ANGPTL3: variants seen among roughly 807,000 people sequenced by gnomAD.
ANGPTL3 encodes the protein angiopoietin-related protein 3.
ANGPTL3 carries 51 observed loss-of-function variants against 52.7 expected under a neutral mutation model. The ratio of observed to expected loss-of-function variants is 0.97; its 90% CI spans 0.77 to 1.22. ANGPTL3 has a LOEUF of 1.22. Among genes scored for constraint, ANGPTL3 ranks in the 50% most tolerant of loss-of-function variants. The probability of loss-of-function intolerance (pLI) is 0.00; values close to 1 mark genes in which losing one functional copy is unlikely to be tolerated. For missense variants in ANGPTL3, 506 were observed against 520.7 expected, an observed-to-expected ratio of 0.97 and a Z score of 0.27; for synonymous variants, 185 against 179.8, an observed-to-expected ratio of 1.03 and a Z score of -0.23.
At chr1:62,601,245 C>T (rs1650076928) in intron 3 of ANGPTL3, 49 bp downstream of exon 3, 1 of 1,264,702 alleles carries the variant, frequency 7.9e-7, no homozygotes, top group African/African-American at 1.5e-5. Context: ...TTATCAAATT[C>T]CCTATTCTTA....
At chr1:62,603,087 C>G (rs1286648609) in intron 5 of ANGPTL3, among the ~76,000 whole-genome samples, 1 of 151,568 alleles carries the variant, frequency 6.6e-6, no homozygotes, top group Non-Finnish European at 1.5e-5. Flanking sequence ...TTCAAACTAC[C>G]AGTGAAAGCC....
intron 3 of ANGPTL3, among the ~76,000 whole-genome samples, chr1:62,601,555 T>C (rs1650123277): frequency 6.6e-6 from 1 of 151,632 alleles, no homozygotes; most frequent in African/African-American, 2.4e-5. Context: ...ACTCTGTCTC[T>C]AAAAAATAAT....
intron 6 of ANGPTL3, 65 bp from the exon 7 acceptor site, chr1:62,604,568 G>C: frequency 1.3e-6 from 2 of 1,494,690 alleles, no homozygotes; most frequent in Non-Finnish European, 1.9e-6. Context: ...AACTTACGGG[G>C]AAATACAGTA....
At chr1:62,604,330 C>A in intron 6 of ANGPTL3, 95 bp downstream of exon 6, 1 of 1,477,886 alleles carries the variant, frequency 6.8e-7, no homozygotes, top group South Asian at 1.2e-5. Context: ...TTTAAAAATC[C>A]GAATCCCAAA....
chr1:62,600,046 G>C (rs971146264), intron 2 of ANGPTL3, among the ~76,000 whole-genome samples: 1 of 151,776 alleles, frequency 6.6e-6, no homozygotes, highest in African/African-American at 2.4e-5. Context: ...TGTTAGTAGT[G>C]CTGCTAAAAG....
In ANGPTL3 at chr1:62,601,087, A is replaced by T; in HGVS notation, c.612A>T (p.Arg204Ser). Residue 204 changes from arginine (R) to serine (S), a missense_variant, in exon 3 of 7, where the codon AGA becomes AGT. Arg to Ser is a moderately radical substitution (Grantham distance 110). Transcript: ENST00000371129. Reference sequence around the variant, plus strand: ...GATTTATATTCTTTTATCAGCTCAGAAGGACTAGTATTCAAGAACCCACAG... The same window carrying T: ...GATTTATATTCTTTTATCAGCTCAGTAGGACTAGTATTCAAGAACCCACAG... ...SQIKEIENQL[R>S]RTSIQEPTEI... 1 of 1,570,884 alleles carries T rather than the reference A, an allele frequency of 6.4e-7. No individual in the cohort carries two copies. The highest frequency in any genetic ancestry group is 8.8e-7 in the Non-Finnish European group (1 of 1,141,214).
chr1:62,598,937 C>A, intron 2 of ANGPTL3, 131 bp downstream of exon 2: 1 of 664,842 alleles, frequency 1.5e-6, no homozygotes, highest in Non-Finnish European at 2.7e-6. Flanking sequence ...GTTAAAATTG[C>A]AGGCTCTGAA....
At position 62,604,760 on chromosome 1, in the gene ANGPTL3, C is replaced by T. The variant is rs940005040; in HGVS notation, c.1326C>T (p.Tyr442=). 2 of 1,612,900 alleles carry T rather than the reference C, an allele frequency of 1.2e-6. No individual in the cohort carries two copies. The highest frequency in any genetic ancestry group is 1.7e-6 in the Non-Finnish European group (2 of 1,179,272). Residue 442 remains tyrosine, a synonymous_variant, in exon 7 of 7, where the codon TAC becomes TAT. Coordinates refer to ENST00000371129, the MANE Select transcript of ANGPTL3 (RefSeq NM_014495.4). ...GGAAGTCTCAAAATGGAAGGTTATACTCTATAAAATCAACCAAAATGTTGA... is the reference window on the plus strand; with the variant it reads ...GGAAGTCTCAAAATGGAAGGTTATATTCTATAAAATCAACCAAAATGTTGA... ...LSWKSQNGRL[Y]SIKSTKMLIH... is the part of the protein sequence containing the mutation.
In ANGPTL3 at chr1:62,597,668, A is replaced by T; in HGVS notation, c.102A>T (p.Lys34Asn). ...TTGATTCTCTATCTCCAGAGCCAAAATCAAGATTTGCTATGTTAGACGATG... is the reference window on the plus strand; with the variant it reads ...TTGATTCTCTATCTCCAGAGCCAAATTCAAGATTTGCTATGTTAGACGATG... ...SSFDSLSPEP[K>N]SRFAMLDDVK... Residue 34 changes from lysine (K) to asparagine (N), a missense_variant, in exon 1 of 7, where the codon AAA (lysine) becomes AAT (asparagine). By Grantham distance (94) the Lys-to-Asn change is moderately conservative. Transcript: ENST00000371129. 2 of 1,613,528 alleles carry T rather than the reference A, an allele frequency of 1.2e-6. No individual in the cohort carries two copies. Among genetic ancestry groups the T allele is most frequent in the South Asian group, 2.2e-5 (2 of 91,058 alleles).
rs755423135 is a variant in ANGPTL3, at chr1:62,604,732, C to A, written c.1298C>A (p.Ser433Tyr). ...AAGCCAGAGAGGAGAAGAGGATTAT[C>A]TTGGAAGTCTCAAAATGGAAGGTTA... ...KSKPERRRGL[S>Y]WKSQNGRLYS... Residue 433 changes from serine (S) to tyrosine (Y), a missense_variant, in exon 7 of 7, where the codon TCT becomes TAT. Transcript: ENST00000371129. 8.1e-6 allele frequency: 13 copies of A among 1,613,142 alleles called. No homozygotes were observed. The South Asian group carries it at 1.4e-4, about 18-fold the overall frequency.
chr1:62,604,670 C>T lies in ANGPTL3; in HGVS notation c.1236C>T (p.Asn412=), dbSNP rs1049225913. 3 of 1,613,106 alleles carry T rather than the reference C, an allele frequency of 1.9e-6. No individual in the cohort carries two copies. Among genetic ancestry groups the T allele is most frequent in the African/African-American group, 1.3e-5 (1 of 74,948 alleles). ...GGCATGATGAGTGTGGAGAAAACAA[C>T]CTAAATGGTAAATATAACAAACCAA... ...WWWHDECGEN[N]LNGKYNKPRA... is the part of the protein sequence containing the mutation. Residue 412 remains asparagine (N), a synonymous_variant, in exon 7 of 7, where the codon AAC becomes AAT. Transcript: ENST00000371129.
chr1:62,604,304 A>G, intron 6 of ANGPTL3, 69 bp downstream of exon 6: 1 of 1,566,428 alleles, frequency 6.4e-7, no homozygotes, highest in Non-Finnish European at 8.7e-7. Flanking sequence ...ATTAGCTATT[A>G]TCTGCAATGA....
At position 62,606,128 on chromosome 1, in the gene ANGPTL3, T is replaced by C. The variant is rs145302352; in HGVS notation, c.*1311T>C. 2.6e-4 allele frequency: 40 copies of C among 152,066 alleles called. No individual in the cohort carries two copies. Among genetic ancestry groups the C allele is most frequent in the African/African-American group, 8.9e-4 (37 of 41,552 alleles). 9.4% of individuals were successfully genotyped at this position (152,066 alleles called of 1,614,324 possible). A position where few individuals can be genotyped will look rare whatever the true frequency, so the allele number is the denominator to read the frequency against. ...AAGTAAATATTTTGTTCCAGAAAAG[T>C]ACAAAATAATAAAGGTAAAAATAAT... is the stretch of plus-strand genomic sequence containing the variant. On this transcript the variant is annotated 3_prime_UTR_variant, in exon 7 of 7. Coordinates refer to ENST00000371129, the MANE Select transcript of ANGPTL3 (RefSeq NM_014495.4).
rs1253581434 is a variant in ANGPTL3 at position 62,605,560 on chromosome 1, T to C, written c.*743T>C. ...TTATATATTTTAACACTTAATACTA[T>C]GAAAACAAATAATTGTAAAGGAATC... On this transcript the variant is annotated 3_prime_UTR_variant, in exon 7 of 7. Coordinates refer to ENST00000371129, the MANE Select transcript of ANGPTL3 (RefSeq NM_014495.4). The C allele has an allele frequency of 1.3e-5, 2 of 152,410 alleles. No individual in the cohort carries two copies. The highest frequency in any genetic ancestry group is 1.3e-4 in the Admixed American group (2 of 15,250). 9.4% of individuals were successfully genotyped at this position (152,410 alleles called of 1,614,324 possible).
chr1:62,600,844 C>G (rs1038589701), intron 2 of ANGPTL3, among the ~76,000 whole-genome samples: 1 of 151,746 alleles, frequency 6.6e-6, no homozygotes, highest in Non-Finnish European at 1.5e-5. Flanking sequence ...TGTTTTCCGA[C>G]CAATGTCTGC....
chr1:62,604,820 T>G lies in ANGPTL3; in HGVS notation c.*3T>G, dbSNP rs201148287. 5.6e-6 allele frequency: 9 copies of G among 1,612,232 alleles called. No homozygotes were observed. Among genetic ancestry groups the G allele is most frequent in the South Asian group, 1.1e-5 (1 of 91,020 alleles). ...CAGATTCAGAAAGCTTTGAATGAAC[T>G]GAGGCAAATTTAAAAGGCAATAATT... On this transcript the variant is annotated 3_prime_UTR_variant, in exon 7 of 7. Coordinates refer to ENST00000371129, the MANE Select transcript of ANGPTL3 (RefSeq NM_014495.4).
chr1:62,602,454 G>GTA, intron 5 of ANGPTL3, 74 bp downstream of exon 5: 1 of 1,328,872 alleles, frequency 7.5e-7, no homozygotes, highest in South Asian at 1.2e-5. Flanking sequence ...TTATGGACCA[G>GTA]GTATTAGGAA....
rs766681247 is a variant in ANGPTL3, at chr1:62,597,927, A to C, written c.361A>C (p.Asn121His). The C allele has an allele frequency of 6.4e-6, 10 of 1,550,670 alleles. No individual in the cohort carries two copies. In the East Asian group the frequency reaches 1.8e-4, roughly 28 times the overall value. Residue 121 changes from asparagine to histidine, a missense_variant, in exon 1 of 7, where the codon AAC becomes CAC. Physicochemically the swap from Asn to His is moderately conservative, Grantham distance 68. Coordinates refer to ENST00000371129, the MANE Select transcript of ANGPTL3 (RefSeq NM_014495.4). ...EEVKNMSLEL[N>H]SKLESLLEEK... Reference sequence around the variant, plus strand: ...GGTAAAGAATATGTCACTTGAACTCAACTCAAAACTTGAAAGCCTCCTAGA... The same window carrying C: ...GGTAAAGAATATGTCACTTGAACTCCACTCAAAACTTGAAAGCCTCCTAGA...
At position 62,598,081 on chromosome 1, in the gene ANGPTL3, G is replaced by T; in HGVS notation, c.495+20G>T. ...CTTAAAGTAAGTAGAAAATAAAGAG[G>T]GTTCATGTTTATGTTTTCAATGTGG... On this transcript the variant is annotated intron_variant, in intron 1 of 6. Transcript: ENST00000371129. The T allele has an allele frequency of 6.4e-7, 1 of 1,555,650 alleles. No homozygotes were observed. The highest frequency in any genetic ancestry group is 1.3e-5 in the South Asian group (1 of 78,550).
Sources: gnomAD v4.1 joint callset for allele counts (sites outside exome capture counted in the v4.1 genomes callset) on GRCh38, gnomAD v4.1.1 for gene constraint, MANE v1.5 for transcripts, NCBI Gene and HGNC (gene_info 2026-07-23, HGNC 2026-07-21) for gene names.